Variants in TRPM3 observed in about 807,000 individuals in gnomAD.
TRPM3 encodes the protein transient receptor potential cation channel subfamily M member 3, also known as long transient receptor potential channel 3.
A neutral mutation model predicts 181.2 loss-of-function variants in TRPM3; 77 were observed. The observed-to-expected ratio is 0.42, with a 90% CI of 0.35 to 0.51. The LOEUF (loss-of-function observed/expected upper bound fraction) is 0.51. Among genes scored for constraint, TRPM3 ranks in the 20% least tolerant of loss-of-function variants. The pLI, the probability that TRPM3 is intolerant of heterozygous loss-of-function variation, is 0.01. For synonymous variants in TRPM3, 745 were observed against 796.4 expected (o/e 0.94, Z 1.09); for missense variants, 1,759 against 2,196.7 (o/e 0.80, Z 3.98).
intron 1 of TRPM3, among the ~76,000 whole-genome samples, chr9:71,291,881 G>A (rs1346929311): frequency 6.6e-6 from 1 of 152,020 alleles, no homozygotes; most frequent in Non-Finnish European, 1.5e-5. Context: ...TTTTTCTCAA[G>A]TTCAGATGGG....
chr9:71,237,044 C>CAAAAAA (rs33929941), intron 1 of TRPM3, among the ~76,000 whole-genome samples: 2 of 92,778 alleles, frequency 2.2e-5, no homozygotes, highest in African/African-American at 4.4e-5. Flanking sequence ...AAGACTCCAT[C>CAAAAAA]AAAAAAAAAA....
chr9:71,107,972 C>T (rs1442645388), intron 1 of TRPM3, among the ~76,000 whole-genome samples: 1 of 152,114 alleles, frequency 6.6e-6, no homozygotes, highest in Non-Finnish European at 1.5e-5. Flanking sequence ...CTTGTGGAAC[C>T]TTTTGTCAGT....
intron 1 of TRPM3, among the ~76,000 whole-genome samples, chr9:71,048,362 C>T (rs1161353252): frequency 6.6e-6 from 1 of 152,046 alleles, no homozygotes; most frequent in East Asian, 1.9e-4. Context: ...ATTCAGTAAC[C>T]CCTCTAATCT....
At chr9:70,960,746 T>A (rs1108226) in intron 1 of TRPM3, among the ~76,000 whole-genome samples, 1 of 151,960 alleles carries the variant, frequency 6.6e-6, no homozygotes, top group African/African-American at 2.4e-5. Context: ...GACATGCAAA[T>A]GTGCCGTGTG....
At chr9:70,649,503 T>G (rs1381033339) in intron 9 of TRPM3, among the ~76,000 whole-genome samples, 2 of 152,104 alleles carry the variant, frequency 1.3e-5, no homozygotes, top group Non-Finnish European at 2.9e-5. Flanking sequence ...AGATACTTCT[T>G]AAAAGAAGTG....
chr9:70,560,144 A>G (rs968858376), intron 22 of TRPM3, among the ~76,000 whole-genome samples: 2 of 152,176 alleles, frequency 1.3e-5, no homozygotes, highest in Non-Finnish European at 2.9e-5. Context: ...CCAGTTCTGT[A>G]AGAAACGCAT....
rs369472415 is a variant in TRPM3 at position 70,557,208 on chromosome 9, C to T, written c.3224-3898G>A. 1.6e-4 allele frequency among the ~76,000 whole-genome samples: 25 copies of T among 152,298 alleles called. No individual in the cohort carries two copies. In the East Asian group the frequency reaches 4.4e-3, roughly 27 times the overall value. ...CTTGGATGGGGTTTCTGAGGAAGCA[C>T]TCACATTTGAACTGTGATAGTCCCT... On this transcript the variant is annotated intron_variant, in intron 22 of 25. Transcript: ENST00000677713.
At chr9:71,077,831 C>T (rs2063683579) in intron 1 of TRPM3, among the ~76,000 whole-genome samples, 1 of 151,332 alleles carries the variant, frequency 6.6e-6, no homozygotes, top group Non-Finnish European at 1.5e-5. Flanking sequence ...TTGCTAGATT[C>T]TATGTAAATC....
intron 1 of TRPM3, among the ~76,000 whole-genome samples, chr9:70,902,438 C>T (rs1253989659): frequency 6.6e-6 from 1 of 152,202 alleles, no homozygotes; most frequent in African/African-American, 2.4e-5. Context: ...TATCTTATCA[C>T]TCTGAAGGCA....
chr9:70,779,895 G>A (rs1213945064), intron 7 of TRPM3, among the ~76,000 whole-genome samples: 1 of 152,060 alleles, frequency 6.6e-6, no homozygotes, highest in Admixed American at 6.6e-5. Flanking sequence ...GAAAAAAAAT[G>A]GGAGTTTGAC....
chr9:70,985,036 T>C (rs1051910488), intron 1 of TRPM3, among the ~76,000 whole-genome samples: 1 of 152,166 alleles, frequency 6.6e-6, no homozygotes, highest in Non-Finnish European at 1.5e-5. Context: ...GCAGATGATA[T>C]GGAGTACCAA....
At chr9:71,264,645 A>G (rs2083269346) in intron 1 of TRPM3, among the ~76,000 whole-genome samples, 2 of 152,190 alleles carry the variant, frequency 1.3e-5, no homozygotes, top group Admixed American at 1.3e-4. Flanking sequence ...AATGGGCTCC[A>G]CTGTCTCTCA....
intron 1 of TRPM3, among the ~76,000 whole-genome samples, chr9:71,378,153 T>C (rs1157893970): frequency 6.6e-6 from 1 of 151,994 alleles, no homozygotes; most frequent in Non-Finnish European, 1.5e-5. Context: ...AAAGAAAATA[T>C]TTGAAACAGG....
intron 1 of TRPM3, among the ~76,000 whole-genome samples, chr9:71,427,058 T>C (rs2093876765): frequency 6.6e-6 from 1 of 152,200 alleles, no homozygotes; most frequent in Non-Finnish European, 1.5e-5. Context: ...AGTGCATTAT[T>C]CACAAATTCA....
At chr9:70,563,489 C>T (rs2049690146) in intron 22 of TRPM3, among the ~76,000 whole-genome samples, 1 of 152,214 alleles carries the variant, frequency 6.6e-6, no homozygotes, top group South Asian at 2.1e-4. Context: ...TTCACTTCTC[C>T]TTTCACCCAA....
At chr9:71,178,705 T>C (rs756858893) in intron 1 of TRPM3, among the ~76,000 whole-genome samples, 12 of 152,144 alleles carry the variant, frequency 7.9e-5, no homozygotes, top group Non-Finnish European at 1.3e-4. Flanking sequence ...ATGAATAATA[T>C]ACCTGAGAGA....
intron 1 of TRPM3, among the ~76,000 whole-genome samples, chr9:71,094,715 A>C (rs537991096): frequency 1.1e-3 from 166 of 152,280 alleles, no homozygotes; most frequent in African/African-American, 3.7e-3. Context: ...CGGTGCATAA[A>C]AGTATCACAC....
intron 1 of TRPM3, among the ~76,000 whole-genome samples, chr9:71,041,216 G>A (rs193036668): frequency 1.9e-4 from 29 of 152,184 alleles, no homozygotes; most frequent in Admixed American, 9.8e-4. Flanking sequence ...CATGTATGAT[G>A]TATGTGTAGA....
chr9:70,793,752 T>A, intron 6 of TRPM3: 1 of 429,136 alleles, frequency 2.3e-6, no homozygotes, highest in Non-Finnish European at 5.0e-6. Flanking sequence ...AACTTGCAAT[T>A]TTTCAACTTT....
Sources: gnomAD v4.1 joint callset for allele counts (sites outside exome capture counted in the v4.1 genomes callset) on GRCh38, gnomAD v4.1.1 for gene constraint, MANE v1.5 for transcripts, NCBI Gene and HGNC (gene_info 2026-07-23, HGNC 2026-07-21) for gene names.